PFN1: variants seen among roughly 807,000 people sequenced by gnomAD.
PFN1 encodes the protein profilin-1.
Under a neutral mutation model 11.7 loss-of-function variants are expected in PFN1, and 2 were observed. That is an observed-to-expected ratio of 0.17 (90% CI 0.07 to 0.54). PFN1 has a LOEUF of 0.54. Ranked by LOEUF, PFN1 falls within the 20% of genes least tolerant of loss-of-function variation. The pLI, the probability that PFN1 is intolerant of heterozygous loss-of-function variation, is 0.94. For missense variants in PFN1, 97 were observed against 188.4 expected (o/e 0.51, Z 2.84); for synonymous variants, 78 against 76.2 (o/e 1.02, Z -0.12).
intron 1 of PFN1, 184 bp downstream of exon 1, chr17:4,948,079 G>T: frequency 1.7e-6 from 1 of 571,874 alleles, no homozygotes; most frequent in East Asian, 3.5e-5. Context: ...CGCCGCCTGG[G>T]GCATAGGACC....
At position 4,948,527 on chromosome 17, in the gene PFN1, C is replaced by T; in HGVS notation, c.-133G>A. On this transcript the variant is annotated 5_prime_UTR_variant, in exon 1 of 3. Transcript: ENST00000225655. ...GCCGTCCGGACCGCGGCTCCGCTCG[C>T]TGTGCAGCAGCCCTCGCACCGCCAC... 2.0e-6 allele frequency: 2 copies of T among 1,014,052 alleles called. No individual in the cohort carries two copies. The highest frequency in any genetic ancestry group is 3.2e-5 in the East Asian group (1 of 31,198). The allele number at this position is 1,014,052 out of a possible 1,614,324, so 62.8% of individuals were successfully genotyped here.
chr17:4,946,966 A>C (rs1971411229), intron 1 of PFN1, 146 bp from the exon 2 acceptor site: 1 of 554,584 alleles, frequency 1.8e-6, no homozygotes, highest in Non-Finnish European at 3.1e-6. Context: ...CACATCAATG[A>C]ACTGTGAGAA....
rs752390915 is a variant in PFN1 at position 4,946,838 on chromosome 17, C to T, written c.133-18G>A. On this transcript the variant is annotated intron_variant, in intron 1 of 2. Coordinates refer to ENST00000225655, the MANE Select transcript of PFN1 (RefSeq NM_005022.4). ...TCAGCTGGCTGGAAGAGGAACCAAG[C>T]GCCCATCAAGTTAGTCAGTGCACCA... is the stretch of plus-strand genomic sequence containing the variant. 3.7e-6 allele frequency: 6 copies of T among 1,601,270 alleles called. No individual in the cohort carries two copies. The highest frequency in any genetic ancestry group is 4.5e-5 in the East Asian group (2 of 44,816).
In PFN1 at chr17:4,946,621, AACTC is replaced by A; in HGVS notation, c.325+3_325+6del. On this transcript the variant is annotated splice_donor_5th_base_variant and intron_variant, in intron 2 of 2. Transcript: ENST00000225655. ...AGCTAAAGGAAGGGTAAGACTCAGGAACTCACTCTTGTCAGTCTTGGTGACAGTG... is the reference window on the plus strand; with the variant it reads ...AGCTAAAGGAAGGGTAAGACTCAGGAACTCTTGTCAGTCTTGGTGACAGTG... The A allele has an allele frequency of 6.2e-7, 1 of 1,602,262 alleles. No homozygotes were observed. Among genetic ancestry groups the A allele is most frequent in the Non-Finnish European group, 8.5e-7 (1 of 1,172,930 alleles).
At chr17:4,947,798 G>A (rs1171733187) in intron 1 of PFN1, among the ~76,000 whole-genome samples, 2 of 152,148 alleles carry the variant, frequency 1.3e-5, no homozygotes, top group Non-Finnish European at 2.9e-5. Flanking sequence ...GGGTGGGCAA[G>A]GGACCAAGAC....
chr17:4,946,430 A>C (rs949957440), intron 2 of PFN1, among the ~76,000 whole-genome samples, 198 bp downstream of exon 2: 5 of 152,218 alleles, frequency 3.3e-5, no homozygotes, highest in African/African-American at 1.2e-4. Context: ...CAGTTCAGCA[A>C]CTTCGAATTA....
At chr17:4,948,234 T>G in intron 1 of PFN1, 29 bp downstream of exon 1, 1 of 1,572,706 alleles carries the variant, frequency 6.4e-7, no homozygotes, top group Non-Finnish European at 8.6e-7. Flanking sequence ...ACCGGAGCAG[T>G]GCCCCGGACC....
Position 4,948,350 on chromosome 17 carries a change from C to G in PFN1, c.45G>C (p.Gly15=), listed in dbSNP as rs767562590. 4.3e-6 allele frequency: 7 copies of G among 1,610,946 alleles called. No individual in the cohort carries two copies. Among genetic ancestry groups the G allele is most frequent in the Non-Finnish European group, 5.1e-6 (6 of 1,179,130 alleles). Residue 15 remains glycine, a synonymous_variant, in exon 1 of 3, where the codon GGG becomes GGC. Coordinates refer to ENST00000225655, the MANE Select transcript of PFN1 (RefSeq NM_005022.4). The part of the protein sequence containing the change: ...NAYIDNLMAD[G]TCQDAAIVGY... Reference sequence around the variant, plus strand: ...CCACGATGGCCGCGTCCTGACAGGTCCCGTCCGCCATGAGGTTGTCGATGT... The same window carrying G: ...CCACGATGGCCGCGTCCTGACAGGTGCCGTCCGCCATGAGGTTGTCGATGT...
Position 4,948,473 on chromosome 17 carries a change from G to GGGGA in PFN1, c.-83_-80dup. ...TCGAGCTGCCTCGGCTGGCGGGCGGGGGGAGGCGGAGAGCTCGGGGCACGC... is the reference window on the plus strand; with the variant it reads ...TCGAGCTGCCTCGGCTGGCGGGCGGGGGGAGGGAGGCGGAGAGCTCGGGGCACGC... On this transcript the variant is annotated 5_prime_UTR_variant, in exon 1 of 3. Coordinates refer to ENST00000225655, the MANE Select transcript of PFN1 (RefSeq NM_005022.4). The GGGGA allele has an allele frequency of 6.9e-7, 1 of 1,450,198 alleles. No individual in the cohort carries two copies. Among genetic ancestry groups the GGGGA allele is most frequent in the Non-Finnish European group, 9.0e-7 (1 of 1,105,766 alleles). 89.8% of individuals were successfully genotyped at this position (1,450,198 alleles called of 1,614,324 possible). A position where few individuals can be genotyped will look rare whatever the true frequency, so the allele number is the denominator to read the frequency against.
Position 4,948,449 on chromosome 17 carries a change from C to G in PFN1, c.-55G>C. 2 of 1,518,708 alleles carry G rather than the reference C, an allele frequency of 1.3e-6. No homozygotes were observed. The highest frequency in any genetic ancestry group is 1.4e-5 in the African/African-American group (1 of 70,022). The allele number at this position is 1,518,708 out of a possible 1,614,324, so 94.1% of individuals were successfully genotyped here. A position where few individuals can be genotyped will look rare whatever the true frequency, so the allele number is the denominator to read the frequency against. On this transcript the variant is annotated 5_prime_UTR_variant, in exon 1 of 3. Transcript: ENST00000225655. ...TGCTGCTGGGGCCGCGGACTGGGCT[C>G]GAGCTGCCTCGGCTGGCGGGCGGGG... is the stretch of plus-strand genomic sequence containing the variant.
intron 1 of PFN1, 143 bp downstream of exon 1, chr17:4,948,120 A>G (rs1971446612): frequency 8.4e-6 from 8 of 953,890 alleles, no homozygotes; most frequent in Non-Finnish European, 1.2e-5. Context: ...ACTCACGTGC[A>G]GCCGCCATTC....
intron 1 of PFN1, 100 bp downstream of exon 1, chr17:4,948,163 C>A (rs774236141): frequency 2.9e-6 from 4 of 1,371,572 alleles, no homozygotes; most frequent in African/African-American, 3.0e-5. Flanking sequence ...CCAGTCAGGG[C>A]CTCTCGCTGC....
rs1971450164 is a variant in PFN1, at chr17:4,948,245, G to A, written c.132+18C>T. 3 of 1,552,308 alleles carry A rather than the reference G, an allele frequency of 1.9e-6. No individual in the cohort carries two copies. The highest frequency in any genetic ancestry group is 1.8e-5 in the Admixed American group (1 of 56,566). On this transcript the variant is annotated intron_variant, in intron 1 of 2. Coordinates refer to ENST00000225655, the MANE Select transcript of PFN1 (RefSeq NM_005022.4). The stretch of plus-strand genomic sequence containing the variant: ...CCAAACCGGAGCAGTGCCCCGGACC[G>A]CGCAGGCCTCGCAGTACCGTGATGT...
rs372994613 is a variant in PFN1, at chr17:4,948,473, G to T, written c.-79C>A. ...TCGAGCTGCCTCGGCTGGCGGGCGG[G>T]GGGAGGCGGAGAGCTCGGGGCACGC... is the stretch of plus-strand genomic sequence containing the variant. On this transcript the variant is annotated 5_prime_UTR_variant, in exon 1 of 3. Coordinates refer to ENST00000225655, the MANE Select transcript of PFN1 (RefSeq NM_005022.4). The T allele has an allele frequency of 2.1e-6, 3 of 1,450,088 alleles. No homozygotes were observed. The highest frequency in any genetic ancestry group is 2.7e-5 in the East Asian group (1 of 36,812). The allele number at this position is 1,450,088 out of a possible 1,614,324, so 89.8% of individuals were successfully genotyped here. A position where few individuals can be genotyped will look rare whatever the true frequency, so the allele number is the denominator to read the frequency against.
Position 4,946,033 on chromosome 17 carries a change from C to T in PFN1, c.326-36G>A. 3 of 1,488,124 alleles carry T rather than the reference C, an allele frequency of 2.0e-6. No individual in the cohort carries two copies. In the African/African-American group the frequency reaches 4.1e-5, roughly 21 times the overall value. 92.2% of individuals were successfully genotyped at this position (1,488,124 alleles called of 1,614,324 possible). A position where few individuals can be genotyped will look rare whatever the true frequency, so the allele number is the denominator to read the frequency against. On this transcript the variant is annotated intron_variant, in intron 2 of 2. Coordinates refer to ENST00000225655, the MANE Select transcript of PFN1 (RefSeq NM_005022.4). ...AGGAAAGAGAAAGGAGGCTAGGATCCAGGTGTCACAATTCCACCCCCTGCC... is the reference window on the plus strand; with the variant it reads ...AGGAAAGAGAAAGGAGGCTAGGATCTAGGTGTCACAATTCCACCCCCTGCC...
At position 4,945,739 on chromosome 17, in the gene PFN1, G is replaced by A. The variant is rs561769619; in HGVS notation, c.*161C>T. 1.8e-6 allele frequency: 1 copy of A among 569,638 alleles called. No individual in the cohort carries two copies. Among genetic ancestry groups the A allele is most frequent in the East Asian group, 2.9e-5 (1 of 34,010 alleles). 35.3% of individuals were successfully genotyped at this position (569,638 alleles called of 1,614,324 possible). A position where few individuals can be genotyped will look rare whatever the true frequency, so the allele number is the denominator to read the frequency against. On this transcript the variant is annotated 3_prime_UTR_variant, in exon 3 of 3. Transcript: ENST00000225655. ...ACACACGGGAGGGATATGGGTAGGG[G>A]GAGGTGTCTGTCCATCCAGCCCTGG...
At position 4,948,526 on chromosome 17, in the gene PFN1, G is replaced by C. The variant is rs760016635; in HGVS notation, c.-132C>G. On this transcript the variant is annotated 5_prime_UTR_variant, in exon 1 of 3. Coordinates refer to ENST00000225655, the MANE Select transcript of PFN1 (RefSeq NM_005022.4). Reference sequence around the variant, plus strand: ...TGCCGTCCGGACCGCGGCTCCGCTCGCTGTGCAGCAGCCCTCGCACCGCCA... The same window carrying C: ...TGCCGTCCGGACCGCGGCTCCGCTCCCTGTGCAGCAGCCCTCGCACCGCCA... The C allele has an allele frequency of 2.9e-6, 3 of 1,026,488 alleles. No homozygotes were observed. Among genetic ancestry groups the C allele is most frequent in the East Asian group, 6.4e-5 (2 of 31,346 alleles). 63.6% of individuals were successfully genotyped at this position (1,026,488 alleles called of 1,614,324 possible).
chr17:4,948,164 C>G (rs2151136010), intron 1 of PFN1, 99 bp downstream of exon 1: 1 of 1,391,428 alleles, frequency 7.2e-7, no homozygotes, highest in East Asian at 2.7e-5. Context: ...CAGTCAGGGC[C>G]TCTCGCTGCG....
At chr17:4,946,951 C>A (rs1971410681) in intron 1 of PFN1, 131 bp from the exon 2 acceptor site, 5 of 632,490 alleles carry the variant, frequency 7.9e-6, no homozygotes, top group Non-Finnish European at 1.3e-5. Context: ...ATTATATACT[C>A]AGTACACATC....
Sources: gnomAD v4.1 joint callset for allele counts (sites outside exome capture counted in the v4.1 genomes callset) on GRCh38, gnomAD v4.1.1 for gene constraint, MANE v1.5 for transcripts, NCBI Gene and HGNC (gene_info 2026-07-23, HGNC 2026-07-21) for gene names.